Variants in NCKAP5L observed in about 807,000 individuals in gnomAD.
NCKAP5L encodes NCK associated protein 5 like.
In NCKAP5L, 54 loss-of-function variants were observed where a neutral mutation model predicts 103.2. The observed-to-expected ratio is 0.52, with a 90% CI of 0.42 to 0.66. NCKAP5L has a LOEUF of 0.66. Ranked by LOEUF, NCKAP5L falls within the 30% of genes least tolerant of loss-of-function variation. The pLI is 0.00. For missense variants in NCKAP5L, 1,733 were observed against 1,750.6 expected (o/e 0.99, Z 0.18); for synonymous variants, 762 against 748.6 (o/e 1.02, Z -0.29).
At position 49,797,206 on chromosome 12, in the gene NCKAP5L, C is replaced by A. The variant is rs1441127003; in HGVS notation, c.654G>T (p.Gly218=). ...CGTTGATGGGCTCTGGGGAGCCAGG[C>A]CCCTGGCCTGGAGGCCGCCAGGGGG... The part of the protein sequence containing the change: ...PATPWRPPGQ[G]PGSPEPINGE... Residue 218 remains glycine (G), a synonymous_variant, in exon 8 of 13, where the codon GGG becomes GGT. Coordinates refer to ENST00000335999, the MANE Select transcript of NCKAP5L (RefSeq NM_001037806.4). This position sits in a 1 kb window ranked among gnomAD's most constrained non-coding sequence, Gnocchi z 4.5. The A allele has an allele frequency of 6.2e-7, 1 of 1,613,214 alleles. No individual in the cohort carries two copies. Among genetic ancestry groups the A allele is most frequent in the Non-Finnish European group, 8.5e-7 (1 of 1,179,734 alleles).
rs1428705373 is a variant in NCKAP5L at position 49,792,663 on chromosome 12, C to T, written c.3649+15G>A. ...GATGCCCAGGGGCATCCCACCCTCCCACCTGGACACTCACCATCAGGACAG... is the reference window on the plus strand; with the variant it reads ...GATGCCCAGGGGCATCCCACCCTCCTACCTGGACACTCACCATCAGGACAG... On this transcript the variant is annotated intron_variant, in intron 11 of 12. Transcript: ENST00000335999. This position sits in a 1 kb window ranked among gnomAD's most constrained non-coding sequence, Gnocchi z 4.5. The T allele has an allele frequency of 1.2e-6, 2 of 1,612,896 alleles. No homozygotes were observed. Among genetic ancestry groups the T allele is most frequent in the East Asian group, 2.2e-5 (1 of 44,822 alleles).
Position 49,796,073 on chromosome 12 carries a change from T to C in NCKAP5L, c.1787A>G (p.Glu596Gly). 6.3e-7 allele frequency: 1 copy of C among 1,595,580 alleles called. No individual in the cohort carries two copies. The change falls in exon 8 of 13, where the codon GAG (glutamate) becomes GGG (glycine). Residue 596 changes from glutamate (E) to glycine (G), a missense_variant. By Grantham distance (98) the Glu-to-Gly change is moderately conservative. Coordinates refer to ENST00000335999, the MANE Select transcript of NCKAP5L (RefSeq NM_001037806.4). The stretch of plus-strand genomic sequence containing the variant: ...GGGTACTCCAGGGCTTCTGAGGACC[T>C]CAGGGGCCTGTGGTACCTCCAGAGT... ...QLTLEVPQAP[E>G]VLRSPGVPPS...
intron 1 of NCKAP5L, among the ~76,000 whole-genome samples, chr12:49,821,673 C>A (rs1946363539): frequency 6.6e-6 from 1 of 152,260 alleles, no homozygotes; most frequent in Non-Finnish European, 1.5e-5. Context: ...CTTATCACAG[C>A]TATAATTATA....
rs753774229 is a variant in NCKAP5L, at chr12:49,793,862, G to A, written c.3130C>T (p.Arg1044Trp). 11 of 1,568,996 alleles carry A rather than the reference G, an allele frequency of 7.0e-6. No individual in the cohort carries two copies. In the Admixed American group the frequency reaches 9.4e-5, roughly 13 times the overall value. The change falls in exon 9 of 13, where the codon CGG becomes TGG. Residue 1044 changes from arginine to tryptophan, a missense_variant. By Grantham distance (101) the Arg-to-Trp change is moderately radical. Coordinates refer to ENST00000335999, the MANE Select transcript of NCKAP5L (RefSeq NM_001037806.4). ...TCCCCGTACTCAGGCTTGGGCTCCC[G>A]CCAGCTCTTGGATGGCAGCTCCTTG... Reference protein sequence around the residue: ...DGKELPSKSWREPKPEYGDFQ... With the variant: ...DGKELPSKSWWEPKPEYGDFQ...
chr12:49,791,754 C>T lies in NCKAP5L; in HGVS notation c.*85G>A, dbSNP rs1324812106. On this transcript the variant is annotated 3_prime_UTR_variant, in exon 13 of 13. Transcript: ENST00000335999. ...CTCCTTGGTCCCTTCAGGGAGGGGT[C>T]CCCGTCTCCGGGGGCTGGGCATGAA... is the stretch of plus-strand genomic sequence containing the variant. 2.3e-6 allele frequency: 3 copies of T among 1,280,212 alleles called. No individual in the cohort carries two copies. Among genetic ancestry groups the T allele is most frequent in the Non-Finnish European group, 3.2e-6 (3 of 946,882 alleles). 79.3% of individuals were successfully genotyped at this position (1,280,212 alleles called of 1,614,324 possible). A position where few individuals can be genotyped will look rare whatever the true frequency, so the allele number is the denominator to read the frequency against.
chr12:49,810,695 TCAGA>T (rs1370042991), intron 1 of NCKAP5L, among the ~76,000 whole-genome samples: 2 of 152,210 alleles, frequency 1.3e-5, no homozygotes, highest in Non-Finnish European at 2.9e-5. Context: ...TTCTATTAAG[TCAGA>T]CAGAAGAAAT....
intron 1 of NCKAP5L, among the ~76,000 whole-genome samples, chr12:49,827,186 T>C (rs531265123): frequency 6.6e-5 from 10 of 152,248 alleles, no homozygotes; most frequent in African/African-American, 2.2e-4. Context: ...CGGTAAGGCA[T>C]TGACACTCTT....
chr12:49,819,406 T>C (rs986102471), intron 1 of NCKAP5L, among the ~76,000 whole-genome samples: 11 of 152,086 alleles, frequency 7.2e-5, no homozygotes, highest in Admixed American at 3.9e-4. Context: ...TTCATTGTAG[T>C]CAAGATATGG....
Position 49,795,046 on chromosome 12 carries a change from G to A in NCKAP5L, c.2814C>T (p.Thr938=), listed in dbSNP as rs1230200480. The A allele has an allele frequency of 1.2e-6, 2 of 1,610,260 alleles. No individual in the cohort carries two copies. The highest frequency in any genetic ancestry group is 1.7e-6 in the Non-Finnish European group (2 of 1,178,500). ...LPALNRRTEA[T]KNKEGAGGGS... ...CCCCGCCAGCCCCCTCCTTGTTCTT[G>A]GTGGCCTCTGTGCGGCGGTTCAGCG... Residue 938 remains threonine (T), a synonymous_variant, in exon 8 of 13, where the codon ACC becomes ACT. Transcript: ENST00000335999.
chr12:49,803,603 T>G (rs867001110), intron 3 of NCKAP5L, among the ~76,000 whole-genome samples: 76 of 152,164 alleles, frequency 5.0e-4, no homozygotes, highest in African/African-American at 1.8e-3. Context: ...CTTCCTCTTG[T>G]GGCCTCTGAC....
chr12:49,801,714 C>T (rs182789684), intron 6 of NCKAP5L, 134 bp downstream of exon 6: 15 of 1,138,524 alleles, frequency 1.3e-5, no homozygotes, highest in Non-Finnish European at 1.6e-5. Context: ...GGGTAGTTTC[C>T]ATACCCCCAG....
intron 1 of NCKAP5L, among the ~76,000 whole-genome samples, chr12:49,827,801 C>T (rs1946435654): frequency 1.3e-5 from 2 of 152,188 alleles, no homozygotes; most frequent in Non-Finnish European, 2.9e-5. Context: ...TCCCCGCCTT[C>T]CCCAGGCCCT....
In NCKAP5L at chr12:49,794,926, C is replaced by G. The variant is rs1221197170; in HGVS notation, c.2934G>C (p.Leu978=). The G allele has an allele frequency of 6.4e-7, 1 of 1,558,712 alleles. No homozygotes were observed. Among genetic ancestry groups the G allele is most frequent in the Non-Finnish European group, 8.7e-7 (1 of 1,152,998 alleles). ...ISKLMAKAED[L]RRALEEEKAY... is the part of the protein sequence containing the mutation. ...CCTTCTCCTCTTCCAGTGCCCGACGCAGGTCTTCCGCCTTGGCCATCAGCT... is the reference window on the plus strand; with the variant it reads ...CCTTCTCCTCTTCCAGTGCCCGACGGAGGTCTTCCGCCTTGGCCATCAGCT... Residue 978 remains leucine, a synonymous_variant, in exon 8 of 13, where the codon CTG becomes CTC. Coordinates refer to ENST00000335999, the MANE Select transcript of NCKAP5L (RefSeq NM_001037806.4).
At chr12:49,793,243 G>T in intron 10 of NCKAP5L, 109 bp downstream of exon 10, 1 of 1,156,106 alleles carries the variant, frequency 8.6e-7, no homozygotes, top group Non-Finnish European at 1.2e-6. Context: ...TTGGCACCAA[G>T]ATGGCACACA....
At position 49,793,870 on chromosome 12, in the gene NCKAP5L, T is replaced by G; in HGVS notation, c.3122A>C (p.Lys1041Thr). Reference sequence around the variant, plus strand: ...CTCAGGCTTGGGCTCCCGCCAGCTCTTGGATGGCAGCTCCTTGCCATCCAC... The same window carrying G: ...CTCAGGCTTGGGCTCCCGCCAGCTCGTGGATGGCAGCTCCTTGCCATCCAC... ...NRVDGKELPS[K>T]SWREPKPEYG... is the part of the protein sequence containing the mutation. Residue 1041 changes from lysine (K) to threonine (T), a missense_variant, in exon 9 of 13, where the codon AAG (lysine) becomes ACG (threonine). Coordinates refer to ENST00000335999, the MANE Select transcript of NCKAP5L (RefSeq NM_001037806.4). The G allele has an allele frequency of 6.4e-7, 1 of 1,564,922 alleles. No homozygotes were observed. The highest frequency in any genetic ancestry group is 8.7e-7 in the Non-Finnish European group (1 of 1,155,968).
At chr12:49,820,942 G>T (rs990294091) in intron 1 of NCKAP5L, among the ~76,000 whole-genome samples, 5 of 152,186 alleles carry the variant, frequency 3.3e-5, no homozygotes, top group Non-Finnish European at 7.4e-5. Context: ...AAATGGGGGT[G>T]AGCCCTCTGA....
chr12:49,822,548 A>ATT (rs776773360), intron 1 of NCKAP5L, among the ~76,000 whole-genome samples: 41 of 139,478 alleles, frequency 2.9e-4, no homozygotes, highest in Non-Finnish European at 3.9e-4. Context: ...TGGGAGTGAG[A>ATT]TTTTTTTTTT....
chr12:49,798,132 C>T (rs1946078804), intron 7 of NCKAP5L, among the ~76,000 whole-genome samples: 2 of 152,198 alleles, frequency 1.3e-5, no homozygotes, highest in South Asian at 4.1e-4. Context: ...GCCTGGCATG[C>T]AGTAAGAGCT....
chr12:49,794,395 A>C (rs746958530), intron 8 of NCKAP5L, among the ~76,000 whole-genome samples: 20 of 152,186 alleles, frequency 1.3e-4, no homozygotes, highest in Non-Finnish European at 2.5e-4. Context: ...TCAAAGGGCA[A>C]GATGGGAAGA....
Sources: allele counts gnomAD v4.1 joint callset (sites outside exome capture counted in the v4.1 genomes callset), GRCh38; gene constraint gnomAD v4.1.1; non-coding constraint Gnocchi (gnomAD v3.1); transcripts MANE v1.5; gene names NCBI Gene and HGNC (gene_info 2026-07-23, HGNC 2026-07-21).